BNC2: variants seen among roughly 807,000 people sequenced by gnomAD.
The protein encoded by BNC2 is zinc finger protein basonuclin-2.
A neutral mutation model predicts 76.3 loss-of-function variants in BNC2; 20 were observed. The observed-to-expected ratio is 0.26, with a 90% CI of 0.18 to 0.38. The LOEUF is 0.38. Among genes scored for constraint, BNC2 ranks in the 10% least tolerant of loss-of-function variants. BNC2 has a pLI of 1.00. For missense variants in BNC2, 1,382 were observed against 1,399.8 expected, an observed-to-expected ratio of 0.99 and a Z score of 0.20; for synonymous variants, 582 against 514.8, an observed-to-expected ratio of 1.13 and a Z score of -1.77.
chr9:16,836,573 T>G (rs977990894), intron 1 of BNC2, among the ~76,000 whole-genome samples: 1 of 151,710 alleles, frequency 6.6e-6, no homozygotes, highest in African/African-American at 2.4e-5. Flanking sequence ...TAATGTCTCC[T>G]TGATTCTTAT....
intron 1 of BNC2, among the ~76,000 whole-genome samples, chr9:16,783,745 C>T (rs564916997): frequency 3.3e-5 from 5 of 152,266 alleles, no homozygotes; most frequent in Non-Finnish European, 7.4e-5. Context: ...CACCTTTCTT[C>T]CATGCTGTCT....
chr9:16,846,122 A>G (rs914016451), intron 1 of BNC2, among the ~76,000 whole-genome samples: 17 of 149,466 alleles, frequency 1.1e-4, no homozygotes, highest in Non-Finnish European at 2.1e-4. Flanking sequence ...CGTGGGAGAC[A>G]GAGCGAGACA....
At chr9:16,831,253 G>A (rs1818571143) in intron 1 of BNC2, among the ~76,000 whole-genome samples, 1 of 152,150 alleles carries the variant, frequency 6.6e-6, no homozygotes, top group Non-Finnish European at 1.5e-5. Flanking sequence ...CAAATAAAAT[G>A]CCAAACATTT....
chr9:16,521,869 T>A (rs1256092986), intron 5 of BNC2, among the ~76,000 whole-genome samples: 4 of 152,172 alleles, frequency 2.6e-5, no homozygotes, highest in Non-Finnish European at 5.9e-5. Flanking sequence ...ATACTCATAT[T>A]TTTGTATGAG....
chr9:16,758,101 A>G (rs1825438884), intron 1 of BNC2, among the ~76,000 whole-genome samples: 1 of 152,090 alleles, frequency 6.6e-6, no homozygotes, highest in Non-Finnish European at 1.5e-5. Context: ...GCTTCCTTGT[A>G]TTTCTCAGCT....
chr9:16,458,244 C>A (rs776202967), intron 5 of BNC2, among the ~76,000 whole-genome samples: 2 of 152,160 alleles, frequency 1.3e-5, no homozygotes, highest in African/African-American at 4.8e-5. Context: ...CTTTAGAGAG[C>A]AGCCATCAAA....
At chr9:16,620,076 C>G (rs1034216803) in intron 3 of BNC2, among the ~76,000 whole-genome samples, 1 of 152,146 alleles carries the variant, frequency 6.6e-6, no homozygotes, top group African/African-American at 2.4e-5. Flanking sequence ...ACAACTAATT[C>G]TCATGTAATG....
chr9:16,473,775 A>G (rs1312246742), intron 5 of BNC2, among the ~76,000 whole-genome samples: 1 of 152,188 alleles, frequency 6.6e-6, no homozygotes, highest in Non-Finnish European at 1.5e-5. Flanking sequence ...TGGGAGGCTG[A>G]GGCAGGAGAA....
chr9:16,462,901 A>C (rs1490902048), intron 5 of BNC2, among the ~76,000 whole-genome samples: 1 of 152,092 alleles, frequency 6.6e-6, no homozygotes, highest in Non-Finnish European at 1.5e-5. Context: ...TCTTCCCTTC[A>C]TCCAGGCTTG....
chr9:16,606,206 A>AACAT (rs1203308631), intron 3 of BNC2, among the ~76,000 whole-genome samples: 1 of 152,232 alleles, frequency 6.6e-6, no homozygotes, highest in Non-Finnish European at 1.5e-5. Context: ...ACTTAATTCA[A>AACAT]ACATGTATAA....
chr9:16,646,137 T>C (rs1821616587), intron 3 of BNC2, among the ~76,000 whole-genome samples: 1 of 152,184 alleles, frequency 6.6e-6, no homozygotes, highest in South Asian at 2.1e-4. Flanking sequence ...TTCTAAACCA[T>C]CTCAGTGAAC....
chr9:16,562,108 T>C (rs1056339523), intron 4 of BNC2, among the ~76,000 whole-genome samples: 4 of 152,194 alleles, frequency 2.6e-5, no homozygotes, highest in Admixed American at 6.5e-5. Context: ...TTTAGGACTA[T>C]GCTGGAATGT....
chr9:16,813,187 C>T (rs956315524), intron 1 of BNC2, among the ~76,000 whole-genome samples: 4 of 152,118 alleles, frequency 2.6e-5, no homozygotes, highest in African/African-American at 9.7e-5. Flanking sequence ...CAGAGCGAGA[C>T]TCCGTCTCAA....
At chr9:16,507,302 T>A (rs905433400) in intron 5 of BNC2, among the ~76,000 whole-genome samples, 4 of 130,712 alleles carry the variant, frequency 3.1e-5, no homozygotes, top group Non-Finnish European at 6.3e-5. Context: ...CTGTCGCCCA[T>A]ACCGGAGTGT....
chr9:16,437,493 G>A lies in BNC2; in HGVS notation c.701C>T (p.Ala234Val). ...GATTTCCTCTTCTCGAGACATGATG[G>A]CCCAGCGGTCCAGCACCTTGCCAGC... ...DAAGKVLDRW[A>V]IMSREEEIIT... The change falls in exon 6 of 7, where the codon GCC becomes GTC. Residue 234 changes from alanine (A) to valine (V), a missense_variant. By Grantham distance (64) the Ala-to-Val change is moderately conservative. Around this residue, in one of 3 missense-constraint regions of BNC2, gnomAD observed 557 missense variants for 540.9 expected, o/e 1.03. Transcript: ENST00000380672. 1 of 1,613,276 alleles carries A rather than the reference G, an allele frequency of 6.2e-7. No homozygotes were observed. Among genetic ancestry groups the A allele is most frequent in the Non-Finnish European group, 8.5e-7 (1 of 1,179,990 alleles).
intron 1 of BNC2, among the ~76,000 whole-genome samples, chr9:16,768,803 G>A (rs915226999): frequency 5.3e-5 from 8 of 152,176 alleles, no homozygotes; most frequent in East Asian, 1.9e-4. Flanking sequence ...TATCAAAAGC[G>A]ATATATGACT....
intron 1 of BNC2, among the ~76,000 whole-genome samples, chr9:16,855,520 C>G (rs1264398142): frequency 6.6e-6 from 1 of 152,224 alleles, no homozygotes; most frequent in Non-Finnish European, 1.5e-5. Flanking sequence ...ACATCAAAAT[C>G]TAACAATTTT....
At chr9:16,536,591 T>G (rs1465361435) in intron 5 of BNC2, among the ~76,000 whole-genome samples, 1 of 152,170 alleles carries the variant, frequency 6.6e-6, no homozygotes, top group Non-Finnish European at 1.5e-5. Context: ...TCTCCTTCAG[T>G]CTTGTATTTA....
At chr9:16,441,669 T>C (rs1327035733) in intron 5 of BNC2, among the ~76,000 whole-genome samples, 5 of 152,214 alleles carry the variant, frequency 3.3e-5, no homozygotes, top group Admixed American at 6.5e-5. Context: ...CTCTTTTCTT[T>C]TTTTAACTCA....
Sources: allele counts gnomAD v4.1 joint callset (sites outside exome capture counted in the v4.1 genomes callset), GRCh38; gene constraint gnomAD v4.1.1; regional missense constraint gnomAD v4.1.1; transcripts MANE v1.5; gene names NCBI Gene and HGNC (gene_info 2026-07-23, HGNC 2026-07-21).